Variants in HDAC4 observed in about 807,000 individuals in gnomAD.
HDAC4 encodes the protein histone deacetylase A.
In HDAC4, 16 loss-of-function variants were observed where a neutral mutation model predicts 135.1. The ratio of observed to expected loss-of-function variants is 0.12; its 90% CI spans 0.08 to 0.18. The LOEUF is 0.18. Among genes scored for constraint, HDAC4 ranks in the 10% least tolerant of loss-of-function variants. The pLI is 1.00. For missense variants in HDAC4, 1,143 were observed against 1,511.8 expected (o/e 0.76, Z 4.05); for synonymous variants, 685 against 653.4 (o/e 1.05, Z -0.74).
At chr2:239,338,066 C>A (rs1377663119) in intron 2 of HDAC4, among the ~76,000 whole-genome samples, 2 of 152,142 alleles carry the variant, frequency 1.3e-5, no homozygotes, top group Admixed American at 1.3e-4. Context: ...AGGCTCAGCC[C>A]CGCCCACCAG....
chr2:239,119,503 G>A (rs2039440010), intron 12 of HDAC4, among the ~76,000 whole-genome samples: 1 of 151,896 alleles, frequency 6.6e-6, no homozygotes, highest in South Asian at 2.1e-4. Flanking sequence ...TCAGGGCTGA[G>A]GGCGCGGGGA....
intron 3 of HDAC4, among the ~76,000 whole-genome samples, chr2:239,212,748 G>A (rs1277120082): frequency 6.6e-6 from 1 of 152,188 alleles, no homozygotes; most frequent in Non-Finnish European, 1.5e-5. Context: ...GAGGAGCTGG[G>A]AGGGTCCTCT....
At chr2:239,207,698 T>C (rs1444670475) in intron 3 of HDAC4, among the ~76,000 whole-genome samples, 3 of 152,210 alleles carry the variant, frequency 2.0e-5, no homozygotes, top group African/African-American at 7.2e-5. Context: ...ATTAACCCTA[T>C]AATCATGAAC....
intron 19 of HDAC4, among the ~76,000 whole-genome samples, chr2:239,086,727 CT>C (rs1232553336): frequency 6.6e-6 from 1 of 152,242 alleles, no homozygotes; most frequent in East Asian, 1.9e-4. Flanking sequence ...GAACTTGTAT[CT>C]GCACTTGTTC....
chr2:239,324,134 C>T (rs1473650273), intron 2 of HDAC4, among the ~76,000 whole-genome samples: 1 of 152,158 alleles, frequency 6.6e-6, no homozygotes, highest in Admixed American at 6.5e-5. Context: ...GTAACTAACG[C>T]ACATAAATAA....
At chr2:239,195,746 A>C (rs1248126322) in intron 3 of HDAC4, among the ~76,000 whole-genome samples, 1 of 152,236 alleles carries the variant, frequency 6.6e-6, no homozygotes, top group Non-Finnish European at 1.5e-5. Flanking sequence ...AACGGCTTTT[A>C]TAGGTTGTGC....
At chr2:239,114,944 C>T (rs1242939691) in intron 13 of HDAC4, 109 bp downstream of exon 13, 2 of 1,317,666 alleles carry the variant, frequency 1.5e-6, no homozygotes, top group Admixed American at 2.0e-5. Flanking sequence ...TGGACAGTGA[C>T]CGCGCAAGGA....
intron 3 of HDAC4, among the ~76,000 whole-genome samples, chr2:239,191,826 C>T (rs144207680): frequency 9.0e-4 from 137 of 152,332 alleles, no homozygotes; most frequent in East Asian, 2.3e-3. Flanking sequence ...CCTCAGGCCA[C>T]GAAGACCAGC....
At position 239,268,418 on chromosome 2, in the gene HDAC4, C is replaced by T. The variant is rs189651113; in HGVS notation, c.23-31754G>A. ...AGGATAAAGTGTGATTTTGAAAAGA[C>T]GCTGAGTAAATAAGCCACATGTCAA... On this transcript the variant is annotated intron_variant, in intron 2 of 26. Transcript: ENST00000543185. 9.2e-4 allele frequency among the ~76,000 whole-genome samples: 140 copies of T among 152,366 alleles called. 1 individual carries two copies. The highest frequency in any genetic ancestry group is 2.6e-4 in the Non-Finnish European group (18 of 68,034).
chr2:239,329,507 G>A lies in HDAC4; in HGVS notation c.22+23171C>T, dbSNP rs73102710. Among the ~76,000 whole-genome samples, 797 of 151,970 alleles carry A rather than the reference G, an allele frequency of 5.2e-3. 8 individuals carry two copies. Among genetic ancestry groups the A allele is most frequent in the African/African-American group, 0.018 (757 of 41,484 alleles). ...CTTTCTGCACACCCCTCCTCCCACCGGGACACCCCTCCTCCTTGCTCCCCC... is the reference window on the plus strand; with the variant it reads ...CTTTCTGCACACCCCTCCTCCCACCAGGACACCCCTCCTCCTTGCTCCCCC... On this transcript the variant is annotated intron_variant, in intron 2 of 26. Coordinates refer to ENST00000543185, the MANE Select transcript of HDAC4 (RefSeq NM_001378414.1).
chr2:239,169,867 C>T (rs1426164414), intron 5 of HDAC4, among the ~76,000 whole-genome samples: 2 of 152,186 alleles, frequency 1.3e-5, no homozygotes, highest in Non-Finnish European at 2.9e-5. Flanking sequence ...CCCCTGTGGG[C>T]AATCCCTGGG....
intron 2 of HDAC4, among the ~76,000 whole-genome samples, chr2:239,264,266 C>G (rs2049573904): frequency 6.6e-6 from 1 of 152,202 alleles, no homozygotes; most frequent in South Asian, 2.1e-4. Context: ...TGCGGAGGAG[C>G]AGATGCGCCT....
intron 3 of HDAC4, among the ~76,000 whole-genome samples, chr2:239,196,550 C>A (rs1465975627): frequency 6.6e-6 from 1 of 152,224 alleles, no homozygotes; most frequent in Non-Finnish European, 1.5e-5. Context: ...CGGGACAGGA[C>A]AGTCTCGAGT....
chr2:239,377,745 C>T (rs749983064), intron 1 of HDAC4, among the ~76,000 whole-genome samples: 7 of 152,244 alleles, frequency 4.6e-5, no homozygotes, highest in East Asian at 3.9e-4. Context: ...TGAAAAGACC[C>T]CCAGGACCCT....
chr2:239,322,981 C>T (rs111689124), intron 2 of HDAC4, among the ~76,000 whole-genome samples: 82 of 152,272 alleles, frequency 5.4e-4, no homozygotes, highest in African/African-American at 1.9e-3. Context: ...GTGCCACAAA[C>T]GGCTCACTCT....
intron 1 of HDAC4, among the ~76,000 whole-genome samples, chr2:239,387,257 G>A (rs184812146): frequency 2.0e-3 from 304 of 152,290 alleles, no homozygotes; most frequent in African/African-American, 6.7e-3. Flanking sequence ...AAGCAGCCGC[G>A]GGCCCACAAG....
At chr2:239,333,297 A>G (rs139306180) in intron 2 of HDAC4, among the ~76,000 whole-genome samples, 251 of 152,240 alleles carry the variant, frequency 1.6e-3, no homozygotes, top group African/African-American at 5.8e-3. Flanking sequence ...GAAAAAAGGG[A>G]AAAAAACGTG....
chr2:239,217,865 G>C (rs147338589), intron 3 of HDAC4, among the ~76,000 whole-genome samples: 2 of 152,138 alleles, frequency 1.3e-5, no homozygotes, highest in African/African-American at 4.8e-5. Flanking sequence ...AAGGCGGGAG[G>C]GGGATCGTTT....
intron 1 of HDAC4, among the ~76,000 whole-genome samples, chr2:239,380,707 T>C (rs770831505): frequency 2.1e-4 from 32 of 152,172 alleles, no homozygotes; most frequent in Non-Finnish European, 2.2e-4. Context: ...CTTACCACAA[T>C]TGAAAATTTT....
Sources: gnomAD v4.1 joint callset for allele counts (sites outside exome capture counted in the v4.1 genomes callset) on GRCh38, gnomAD v4.1.1 for gene constraint, MANE v1.5 for transcripts, NCBI Gene and HGNC (gene_info 2026-07-23, HGNC 2026-07-21) for gene names.